C6: variants seen among roughly 807,000 people sequenced by gnomAD.
The protein encoded by C6 is complement component C6.
A neutral mutation model predicts 112.9 loss-of-function variants in C6; 101 were observed. The observed-to-expected ratio is 0.89, with a 90% CI of 0.76 to 1.06. The LOEUF is 1.06. Ranked by LOEUF, C6 falls within the 50% of genes least tolerant of loss-of-function variation. The probability of loss-of-function intolerance (pLI) is 0.00; values close to 1 mark genes in which losing one functional copy is unlikely to be tolerated. For missense variants in C6, 1,202 were observed against 1,104.6 expected (o/e 1.09, Z -1.25); for synonymous variants, 431 against 384.1 (o/e 1.12, Z -1.43).
At chr5:41,176,775 C>A in intron 7 of C6, 60 bp from the exon 8 acceptor site, 1 of 1,433,112 alleles carries the variant, frequency 7.0e-7, no homozygotes, top group Non-Finnish European at 9.7e-7. Flanking sequence ...AAGTACCTAG[C>A]ATTTAAATGT....
At chr5:41,206,713 A>C (rs1751464830) in intron 1 of C6, among the ~76,000 whole-genome samples, 1 of 152,220 alleles carries the variant, frequency 6.6e-6, no homozygotes, top group African/African-American at 2.4e-5. Context: ...CCTCCAAGAA[A>C]TATGGGACTA....
intron 3 of C6, among the ~76,000 whole-genome samples, chr5:41,200,812 G>C (rs1750956398): frequency 3.4e-5 from 5 of 148,754 alleles, no homozygotes; most frequent in Admixed American, 3.4e-4. Flanking sequence ...AGGAGTGAAA[G>C]TTTTGATTCA....
intron 6 of C6, among the ~76,000 whole-genome samples, chr5:41,183,774 T>C (rs1408647163): frequency 6.6e-6 from 1 of 152,184 alleles, no homozygotes; most frequent in African/African-American, 2.4e-5. Flanking sequence ...ATGTGGTACA[T>C]ATGTGCCATG....
At chr5:41,233,043 T>C (rs1255901034) in intron 1 of C6, among the ~76,000 whole-genome samples, 1 of 152,108 alleles carries the variant, frequency 6.6e-6, no homozygotes, top group Non-Finnish European at 1.5e-5. Flanking sequence ...TTCTATTATG[T>C]ATATAATTTT....
chr5:41,207,348 T>C (rs1176044176), intron 1 of C6, among the ~76,000 whole-genome samples: 2 of 152,184 alleles, frequency 1.3e-5, no homozygotes, highest in African/African-American at 2.4e-5. Flanking sequence ...GCTAACATCA[T>C]AATGACGGGT....
At chr5:41,167,334 G>C (rs1025285435) in intron 9 of C6, among the ~76,000 whole-genome samples, 1 of 152,056 alleles carries the variant, frequency 6.6e-6, no homozygotes, top group African/African-American at 2.4e-5. Flanking sequence ...TTAGGATTCA[G>C]AATCACAGAA....
intron 9 of C6, among the ~76,000 whole-genome samples, chr5:41,163,316 T>TTTTC (rs1281528820): frequency 2.0e-5 from 3 of 150,642 alleles, no homozygotes; most frequent in Non-Finnish European, 3.0e-5. Context: ...TGAACTTTTT[T>TTTTC]TTTTTTTTTT....
rs113065690 is a variant in C6, at chr5:41,201,769, C to T, written c.144-55G>A. 1.5e-3 allele frequency: 2,190 copies of T among 1,439,238 alleles called. 32 individuals are homozygous for T. The African/African-American group carries it at 0.026, about 17-fold the overall frequency. 89.2% of individuals were successfully genotyped at this position (1,439,238 alleles called of 1,614,324 possible). ...ATGAGTGTATTCACCATATATCCTG[C>T]TCCATAATCAAAGTATCATTGAGCA... On this transcript the variant is annotated intron_variant, in intron 2 of 17. Transcript: ENST00000337836.
chr5:41,209,150 G>A (rs958260000), intron 1 of C6, among the ~76,000 whole-genome samples: 1 of 152,094 alleles, frequency 6.6e-6, no homozygotes, highest in Non-Finnish European at 1.5e-5. Context: ...TGCAGAAAAG[G>A]CCTTCGACAA....
At chr5:41,218,427 C>T (rs1014894433), upstream of C6, among the ~76,000 whole-genome samples, 1 of 152,098 alleles carries the variant, frequency 6.6e-6, no homozygotes, top group African/African-American at 2.4e-5. Context: ...AATTTACAAT[C>T]TCCATAAAGA....
intron 7 of C6, among the ~76,000 whole-genome samples, chr5:41,179,642 C>T (rs1372323214): frequency 6.7e-6 from 1 of 148,834 alleles, no homozygotes; most frequent in Non-Finnish European, 1.5e-5. Context: ...ACCCACAGCC[C>T]ATTCTAAACT....
At position 41,213,473 on chromosome 5, in the gene C6, C is replaced by T; in HGVS notation, c.-118G>A. 1.0e-6 allele frequency: 1 copy of T among 985,298 alleles called. No homozygotes were observed. Among genetic ancestry groups the T allele is most frequent in the Non-Finnish European group, 1.2e-6 (1 of 829,884 alleles). 61.0% of individuals were successfully genotyped at this position (985,298 alleles called of 1,614,324 possible). On this transcript the variant is annotated 5_prime_UTR_variant, in exon 1 of 18. Transcript: ENST00000337836. ...AAGAGGGTATATATGTTAATCCAAA[C>T]AAAGCTTCTTTTCTTATTGCTAGCT...
intron 13 of C6, among the ~76,000 whole-genome samples, chr5:41,158,189 TG>T (rs1391858349): frequency 3.3e-5 from 5 of 151,852 alleles, no homozygotes; most frequent in African/African-American, 1.2e-4. Context: ...AAACATGTTG[TG>T]GCTTGGTAAA....
chr5:41,145,454 A>G (rs918414009), intron 17 of C6, among the ~76,000 whole-genome samples: 8 of 152,212 alleles, frequency 5.3e-5, no homozygotes, highest in Admixed American at 3.3e-4. Context: ...AAGTGTACAA[A>G]AAAGAAATTT....
intron 1 of C6, among the ~76,000 whole-genome samples, chr5:41,251,972 T>C (rs1349486021): frequency 1.3e-5 from 2 of 152,226 alleles, no homozygotes; most frequent in Non-Finnish European, 2.9e-5. Context: ...GGCAAGAAGC[T>C]AAATCCATAT....
intron 1 of C6, among the ~76,000 whole-genome samples, chr5:41,221,799 A>T (rs2150404711): frequency 6.6e-6 from 1 of 152,346 alleles, no homozygotes. Flanking sequence ...AAAAAGTATC[A>T]ACAATATATA....
chr5:41,203,728 A>G (rs1751211087), intron 1 of C6: 1 of 177,202 alleles, frequency 5.6e-6, no homozygotes, highest in Non-Finnish European at 1.2e-5. Context: ...GCTAAAGAGA[A>G]CGTTCACTGA....
chr5:41,193,902 A>T (rs1222461054), intron 5 of C6, among the ~76,000 whole-genome samples: 1 of 151,108 alleles, frequency 6.6e-6, no homozygotes, highest in Non-Finnish European at 1.5e-5. Flanking sequence ...AGCAATTCTC[A>T]AAACTCTCAG....
At chr5:41,152,248 G>T (rs1746477660) in intron 15 of C6, among the ~76,000 whole-genome samples, 1 of 152,086 alleles carries the variant, frequency 6.6e-6, no homozygotes, top group Non-Finnish European at 1.5e-5. Flanking sequence ...GAACCAAGAT[G>T]AGGAACTGAA....
Sources: allele counts gnomAD v4.1 joint callset (sites outside exome capture counted in the v4.1 genomes callset), GRCh38; gene constraint gnomAD v4.1.1; transcripts MANE v1.5; gene names NCBI Gene and HGNC (gene_info 2026-07-23, HGNC 2026-07-21).